Variants in MYH11 observed in about 807,000 individuals in gnomAD.
MYH11 encodes myosin heavy chain 11, also known as myosin-11.
Under a neutral mutation model 246.6 loss-of-function variants are expected in MYH11, and 80 were observed. The ratio of observed to expected loss-of-function variants is 0.32; its 90% confidence interval spans 0.27 to 0.39. The LOEUF is 0.39. MYH11 is among the 10% of genes least tolerant of loss of function. The pLI is 1.00. For missense variants in MYH11, 2,158 were observed against 2,546.8 expected (o/e 0.85, Z 3.29); for synonymous variants, 1,071 against 1,015.5 (o/e 1.05, Z -1.04).
rs142654744 is a variant in MYH11, at chr16:15,717,194, G to A, written c.5450C>T (p.Ala1817Val). ...CTGTGCAATCTTGGCCTCCAGCGCC[G>A]CGATGGTGGACTTGAACTTGGACTT... ...AVKSKFKSTIAALEAKIAQLE... is the reference protein window; with the variant it reads ...AVKSKFKSTIVALEAKIAQLE... The change falls in exon 38 of 41, where the codon GCG becomes GTG. Residue 1817 changes from alanine (A) to valine (V), a missense_variant. Physicochemically the swap from Ala to Val is moderately conservative, Grantham distance 64 (BLOSUM62 0). Transcript: ENST00000300036. 94 of 1,614,058 alleles carry A rather than the reference G, an allele frequency of 5.8e-5. No individual in the cohort carries two copies. In the African/African-American group the frequency reaches 9.5e-4, roughly 16 times the overall value.
chr16:15,840,362 T>C (rs1427007753), intron 1 of MYH11, among the ~76,000 whole-genome samples: 1 of 152,162 alleles, frequency 6.6e-6, no homozygotes, highest in Non-Finnish European at 1.5e-5. Flanking sequence ...ATAAAAGTAA[T>C]GGCAAATGCT....
chr16:15,732,363 G>A, intron 27 of MYH11: 1 of 743,202 alleles, frequency 1.3e-6, no homozygotes, highest in Non-Finnish European at 2.2e-6. Flanking sequence ...GCCTCCCCAA[G>A]TACTGGGATT....
rs1223676828 is a variant in MYH11 at position 15,741,910 on chromosome 16, C to T, written c.2521-19G>A. 2.5e-6 allele frequency: 4 copies of T among 1,614,098 alleles called. No individual in the cohort carries two copies. The highest frequency in any genetic ancestry group is 1.7e-6 in the Non-Finnish European group (2 of 1,180,008). On this transcript the variant is annotated intron_variant, in intron 20 of 40. Transcript: ENST00000300036. ...GCTTCACCTGCACACACACGGTTAG[C>T]CCATCATTTGTTTTTGTGGCAAAGG...
intron 20 of MYH11, among the ~76,000 whole-genome samples, chr16:15,744,660 A>G (rs906020408): frequency 3.7e-4 from 56 of 151,528 alleles, no homozygotes; most frequent in African/African-American, 1.3e-3. Context: ...CTGCCACCAT[A>G]CCCAGCTAAT....
At chr16:15,733,687 C>T (rs1189345362) in intron 26 of MYH11, among the ~76,000 whole-genome samples, 3 of 148,730 alleles carry the variant, frequency 2.0e-5, no homozygotes, top group Non-Finnish European at 4.5e-5. Flanking sequence ...GGATTACCGA[C>T]GCCCACCACC....
At chr16:15,809,824 G>C (rs1405982369) in intron 3 of MYH11, among the ~76,000 whole-genome samples, 1 of 151,282 alleles carries the variant, frequency 6.6e-6, no homozygotes, top group East Asian at 2.0e-4. Context: ...TGGAGGCTGA[G>C]GTGGGAGGAT....
chr16:15,796,729 C>A (rs973528976), intron 4 of MYH11, among the ~76,000 whole-genome samples: 1 of 151,898 alleles, frequency 6.6e-6, no homozygotes, highest in African/African-American at 2.4e-5. Flanking sequence ...AGGTACTGGG[C>A]CTTATAAGAG....
intron 27 of MYH11, among the ~76,000 whole-genome samples, chr16:15,730,591 C>T (rs527245583): frequency 9.2e-5 from 14 of 152,140 alleles, no homozygotes; most frequent in African/African-American, 2.9e-4. Context: ...TAGAGCAGTG[C>T]AACAACGGAC....
chr16:15,703,931 TTTG>T lies in MYH11; in HGVS notation c.*57_*59del, dbSNP rs1402260686. 1.2e-6 allele frequency: 2 copies of T among 1,606,736 alleles called. No homozygotes were observed. Among genetic ancestry groups the T allele is most frequent in the African/African-American group, 2.7e-5 (2 of 73,852 alleles). ...TGTTCTGGGTTGTTGTTGGGTTTTT[TTTG>T]TTTGTTTGTTTTGGTTTTTGGTTTT... On this transcript the variant is annotated 3_prime_UTR_variant, in exon 41 of 41. Transcript: ENST00000300036.
intron 13 of MYH11, 56 bp from the exon 14 acceptor site, chr16:15,756,570 A>G: frequency 1.9e-6 from 3 of 1,595,990 alleles, no homozygotes; most frequent in Non-Finnish European, 2.6e-6. Context: ...CAGGCATTCC[A>G]TGAAGAGCTG....
intron 30 of MYH11, 69 bp from the exon 31 acceptor site, chr16:15,724,478 ACT>A: frequency 6.2e-7 from 1 of 1,609,586 alleles, no homozygotes; most frequent in South Asian, 1.1e-5. Context: ...GGCCCCACAG[ACT>A]CTGAGAAGCG....
At chr16:15,826,294 G>A (rs1249186886) in intron 2 of MYH11, among the ~76,000 whole-genome samples, 1 of 152,072 alleles carries the variant, frequency 6.6e-6, no homozygotes, top group Non-Finnish European at 1.5e-5. Flanking sequence ...CAATTAGAGA[G>A]TGGGAAAGTC....
At chr16:15,774,982 T>C (rs1016658228) in intron 8 of MYH11, among the ~76,000 whole-genome samples, 4 of 152,186 alleles carry the variant, frequency 2.6e-5, no homozygotes, top group African/African-American at 9.7e-5. Context: ...ACAGATCCTT[T>C]TGGTAACTGT....
chr16:15,816,824 A>T (rs960249204), intron 3 of MYH11, among the ~76,000 whole-genome samples: 1 of 151,926 alleles, frequency 6.6e-6, no homozygotes, highest in Non-Finnish European at 1.5e-5. Flanking sequence ...AAAGGAGTTG[A>T]GAAGTAGCAG....
At chr16:15,821,085 T>C (rs2043398159) in intron 3 of MYH11, among the ~76,000 whole-genome samples, 1 of 152,228 alleles carries the variant, frequency 6.6e-6, no homozygotes, top group African/African-American at 2.4e-5. Context: ...TTGCCCAGGC[T>C]GGTCTCGAAC....
At chr16:15,719,009 T>C (rs1038410751) in intron 36 of MYH11, 1 of 610,988 alleles carries the variant, frequency 1.6e-6, no homozygotes, top group Admixed American at 2.4e-5. Context: ...ACACCTGTAG[T>C]CTCAGCTACT....
In MYH11 at chr16:15,747,354, G is replaced by A. The variant is rs34363587; in HGVS notation, c.2411+216C>T. On this transcript the variant is annotated intron_variant, in intron 19 of 40. Coordinates refer to ENST00000300036, the MANE Select transcript of MYH11 (RefSeq NM_002474.3). Reference sequence around the variant, plus strand: ...CATCAGCAAAAACTGGGGCATCCACGATGAGAACCCAGGTCTAAAACTCGT... The same window carrying A: ...CATCAGCAAAAACTGGGGCATCCACAATGAGAACCCAGGTCTAAAACTCGT... Among the ~76,000 whole-genome samples, 11,094 of 152,122 alleles carry A rather than the reference G, an allele frequency of 0.073. 606 individuals carry two copies. Among genetic ancestry groups the A allele is most frequent in the African/African-American group, 0.15 (6,103 of 41,484 alleles).
At chr16:15,713,059 A>ACGTC (rs1322458571) in intron 40 of MYH11, 2 of 151,584 alleles carry the variant, frequency 1.3e-5, no homozygotes, top group Non-Finnish European at 2.9e-5. Flanking sequence ...TTCGGCATTC[A>ACGTC]CATCCAGTTT....
Position 15,726,693 on chromosome 16 carries a change from A to T in MYH11, c.3858+155T>A, listed in dbSNP as rs188543818. The T allele has an allele frequency of 9.0e-5, 79 of 876,326 alleles. No individual in the cohort carries two copies. The African/African-American group carries it at 1.0e-3, about 11-fold the overall frequency. 54.3% of individuals were successfully genotyped at this position (876,326 alleles called of 1,614,324 possible). ...AGAAGGTTTTTTTAATATTTAATTGAACAGGGAGATCATCGCCTCTCCTCC... is the reference window on the plus strand; with the variant it reads ...AGAAGGTTTTTTTAATATTTAATTGTACAGGGAGATCATCGCCTCTCCTCC... On this transcript the variant is annotated intron_variant, in intron 28 of 40. Transcript: ENST00000300036.
Sources: gnomAD v4.1 joint callset for allele counts (sites outside exome capture counted in the v4.1 genomes callset) on GRCh38, gnomAD v4.1.1 for gene constraint, MANE v1.5 for transcripts, NCBI Gene and HGNC (gene_info 2026-07-23, HGNC 2026-07-21) for gene names.